The following MTA1 variants were observed in gnomAD, a reference collection of about 807,000 sequenced individuals.
MTA1 encodes metastasis-associated protein MTA1.
Under a neutral mutation model 97.0 loss-of-function variants are expected in MTA1, and 15 were observed. The observed-to-expected ratio is 0.15, with a 90% CI of 0.10 to 0.24. MTA1 has a LOEUF of 0.24. Among genes scored for constraint, MTA1 ranks in the 10% least tolerant of loss-of-function variants. MTA1 has a pLI of 1.00. For synonymous variants in MTA1, 435 were observed against 417.5 expected (o/e 1.04, Z -0.51); for missense variants, 709 against 1,015.1 (o/e 0.70, Z 4.10).
rs77881974 is a variant in MTA1, at chr14:105,430,484, C to A, written c.29-8188C>A. Reference sequence around the variant, plus strand: ...CACAGATCGCCATCACAGATAGAATCATGGTTAAAAAGTTGGAAATGTTGA... The same window carrying A: ...CACAGATCGCCATCACAGATAGAATAATGGTTAAAAAGTTGGAAATGTTGA... On this transcript the variant is annotated intron_variant, in intron 1 of 20. Coordinates refer to ENST00000331320, the MANE Select transcript of MTA1 (RefSeq NM_004689.4). Among the ~76,000 whole-genome samples, 484 of 152,238 alleles carry A rather than the reference C, an allele frequency of 3.2e-3. 2 individuals are homozygous for A. The highest frequency in any genetic ancestry group is 0.011 in the African/African-American group (457 of 41,544).
At position 105,441,707 on chromosome 14, in the gene MTA1, T is replaced by C. The variant is rs587631387; in HGVS notation, c.96+2968T>C. 4.2e-3 allele frequency among the ~76,000 whole-genome samples: 633 copies of C among 152,150 alleles called. 4 individuals carry two copies. Among genetic ancestry groups the C allele is most frequent in the African/African-American group, 0.013 (553 of 41,530 alleles). ...TACTCGGGAGGCTGAGGCAGGAGAA[T>C]GGCGTGAACCCGGGAGGTGGAGCTT... is the stretch of plus-strand genomic sequence containing the variant. On this transcript the variant is annotated intron_variant, in intron 2 of 20. Coordinates refer to ENST00000331320, the MANE Select transcript of MTA1 (RefSeq NM_004689.4).
intron 1 of MTA1, among the ~76,000 whole-genome samples, chr14:105,430,713 G>A (rs1280378224): frequency 6.6e-6 from 1 of 152,124 alleles, no homozygotes; most frequent in Non-Finnish European, 1.5e-5. Flanking sequence ...GGGTCCTCTC[G>A]TACAGGGATT....
intron 18 of MTA1, chr14:105,467,914 T>A (rs1298349294): frequency 4.1e-6 from 1 of 245,568 alleles, no homozygotes; most frequent in Non-Finnish European, 8.1e-6. Context: ...AGCTTATTTG[T>A]TCCCACTGAA....
At chr14:105,432,165 T>C (rs2082195613) in intron 1 of MTA1, among the ~76,000 whole-genome samples, 1 of 152,242 alleles carries the variant, frequency 6.6e-6, no homozygotes, top group Non-Finnish European at 1.5e-5. Context: ...GCTGAACATC[T>C]TGACTTGCTG....
At chr14:105,444,915 T>G (rs1458457217) in intron 2 of MTA1, among the ~76,000 whole-genome samples, 4 of 152,258 alleles carry the variant, frequency 2.6e-5, no homozygotes, top group African/African-American at 9.6e-5. Context: ...ACATACGTGC[T>G]TCTCTGGTGG....
At chr14:105,441,097 G>A (rs955834685) in intron 2 of MTA1, among the ~76,000 whole-genome samples, 4 of 151,584 alleles carry the variant, frequency 2.6e-5, no homozygotes, top group Non-Finnish European at 5.9e-5. Context: ...GGCTGGCAGC[G>A]CGGAAGGCCT....
chr14:105,444,446 C>T (rs2082647593), intron 2 of MTA1, among the ~76,000 whole-genome samples: 1 of 152,128 alleles, frequency 6.6e-6, no homozygotes, highest in African/African-American at 2.4e-5. Context: ...CCTGACATCA[C>T]ACTGCTGCAT....
In MTA1 at chr14:105,460,430, C is replaced by T. The variant is rs141301227; in HGVS notation, c.726C>T (p.Ala242=). The T allele has an allele frequency of 1.4e-4, 231 of 1,611,260 alleles. No individual in the cohort carries two copies. Among genetic ancestry groups the T allele is most frequent in the Middle Eastern group, 3.3e-4 (2 of 6,044 alleles). Residue 242 remains alanine, a synonymous_variant, in exon 9 of 21, where the codon GCC becomes GCT. Coordinates refer to ENST00000331320, the MANE Select transcript of MTA1 (RefSeq NM_004689.4). ...GACAGCCCAGCCTGCACATGAGCGC[C>T]GCAGCTGCCTCCCGAGACATCACCC... ...SVRQPSLHMS[A]AAASRDITLF...
chr14:105,433,103 A>T (rs1179022885), intron 1 of MTA1, among the ~76,000 whole-genome samples: 1 of 152,268 alleles, frequency 6.6e-6, no homozygotes, highest in Admixed American at 6.5e-5. Flanking sequence ...TGATTACAGC[A>T]AAAGGACGCA....
At chr14:105,427,753 C>T (rs1555422553) in intron 1 of MTA1, among the ~76,000 whole-genome samples, 1 of 152,040 alleles carries the variant, frequency 6.6e-6, no homozygotes, top group African/African-American at 2.4e-5. Context: ...GGCATGGTGG[C>T]TCACACCTGT....
chr14:105,468,377 C>T lies in MTA1; in HGVS notation c.1814-1090C>T, dbSNP rs782622989. ...AAGTAGTTTTTGTGCTACTGGCCAG[C>T]CCTGGGCGCTGGGCCTTGGCTTGTG... On this transcript the variant is annotated intron_variant, in intron 18 of 20. Transcript: ENST00000331320. The T allele has an allele frequency of 1.4e-5, 18 of 1,303,796 alleles. No homozygotes were observed. The South Asian group carries it at 1.9e-4, about 13-fold the overall frequency. The allele number at this position is 1,303,796 out of a possible 1,614,324, so 80.8% of individuals were successfully genotyped here.
chr14:105,466,478 G>A lies in MTA1; in HGVS notation c.1677G>A (p.Val559=). Reference sequence around the variant, plus strand: ...ACCCCGTGAAAAGCGTGTCCAGCGTGCTCAGCAGCCTGACGCCCGCCAAGG... The same window carrying A: ...ACCCCGTGAAAAGCGTGTCCAGCGTACTCAGCAGCCTGACGCCCGCCAAGG... ...KPDPVKSVSS[V]LSSLTPAKVA... Residue 559 remains valine, a synonymous_variant, in exon 17 of 21, where the codon GTG becomes GTA. Coordinates refer to ENST00000331320, the MANE Select transcript of MTA1 (RefSeq NM_004689.4). 1 of 1,600,808 alleles carries A rather than the reference G, an allele frequency of 6.2e-7. No homozygotes were observed. The highest frequency in any genetic ancestry group is 2.3e-5 in the East Asian group (1 of 44,256).
Position 105,470,005 on chromosome 14 carries a change from C to T in MTA1, c.1997+13C>T. 1 of 1,612,488 alleles carries T rather than the reference C, an allele frequency of 6.2e-7. No individual in the cohort carries two copies. Among genetic ancestry groups the T allele is most frequent in the Non-Finnish European group, 8.5e-7 (1 of 1,179,826 alleles). ...CAGAGGAGACCAGGTGGGGCCTTCC[C>T]AGGGCAGGCGGGAGGGCTCCGCACA... On this transcript the variant is annotated intron_variant, in intron 20 of 20. Transcript: ENST00000331320.
rs1595232562 is a variant in MTA1 at position 105,420,207 on chromosome 14, C to T, written c.28+144C>T. On this transcript the variant is annotated intron_variant, in intron 1 of 20. Transcript: ENST00000331320. The surrounding 1 kb of genome is among the most constrained non-coding windows in gnomAD (Gnocchi z 5.3). ...GCCCCCGGCTCCTTCCCGAACCGCCCCCCGCCGTGCTCACCCCAACCCAAA... is the reference window on the plus strand; with the variant it reads ...GCCCCCGGCTCCTTCCCGAACCGCCTCCCGCCGTGCTCACCCCAACCCAAA... 1 of 339,390 alleles carries T rather than the reference C, an allele frequency of 2.9e-6. No homozygotes were observed. Among genetic ancestry groups the T allele is most frequent in the South Asian group, 1.1e-4 (1 of 9,306 alleles). 21.0% of individuals were successfully genotyped at this position (339,390 alleles called of 1,614,324 possible). A position where few individuals can be genotyped will look rare whatever the true frequency, so the allele number is the denominator to read the frequency against.
At chr14:105,467,525 C>G in intron 18 of MTA1, 1 of 455,318 alleles carries the variant, frequency 2.2e-6, no homozygotes, top group South Asian at 1.6e-5. Flanking sequence ...GGGGTCAGCA[C>G]GCCGGCTGCA....
intron 1 of MTA1, among the ~76,000 whole-genome samples, chr14:105,425,064 C>T (rs1040746886): frequency 1.3e-5 from 2 of 152,062 alleles, no homozygotes; most frequent in South Asian, 2.1e-4. Flanking sequence ...GAGGAGGTGC[C>T]GTGTGCCTGG....
rs370417308 is a variant in MTA1, at chr14:105,467,619, C to T, written c.1813+877C>T. ...CACCCCTGGCCTGTCCTTGCAGCTT[C>T]CTCCCGACATCCCTTGGCGGTGTCT... is the stretch of plus-strand genomic sequence containing the variant. On this transcript the variant is annotated intron_variant, in intron 18 of 20. Coordinates refer to ENST00000331320, the MANE Select transcript of MTA1 (RefSeq NM_004689.4). 1.7e-3 allele frequency: 669 copies of T among 384,086 alleles called. 7 individuals carry two copies. The highest frequency in any genetic ancestry group is 0.013 in the African/African-American group (611 of 48,174). The allele number at this position is 384,086 out of a possible 1,614,324, so 23.8% of individuals were successfully genotyped here.
At chr14:105,441,895 G>C (rs782489446) in intron 2 of MTA1, among the ~76,000 whole-genome samples, 9 of 152,208 alleles carry the variant, frequency 5.9e-5, no homozygotes, top group Non-Finnish European at 1.2e-4. Context: ...TCTGAGAAAT[G>C]GATGGGATCC....
chr14:105,460,777 G>T lies in MTA1; in HGVS notation c.766G>T (p.Asp256Tyr). ...TCTCCTGCCGCAGTTCCACGCCATG[G>T]ATACTCTCCACAAGAACATCTACGA... ...SRDITLFHAM[D>Y]TLHKNIYDIS... The change falls in exon 10 of 21, where the codon GAT becomes TAT. Residue 256 changes from aspartate (D) to tyrosine (Y), a missense_variant. Asp to Tyr is a radical substitution (Grantham distance 160, BLOSUM62 -3). This residue lies in a region of MTA1 where 321 missense variants were observed against 593.5 expected (regional missense o/e 0.54). Coordinates refer to ENST00000331320, the MANE Select transcript of MTA1 (RefSeq NM_004689.4). The T allele has an allele frequency of 1.3e-6, 2 of 1,588,830 alleles. No homozygotes were observed. Among genetic ancestry groups the T allele is most frequent in the Non-Finnish European group, 1.7e-6 (2 of 1,166,494 alleles).
Sources: gnomAD v4.1 joint callset for allele counts (sites outside exome capture counted in the v4.1 genomes callset) on GRCh38, gnomAD v4.1.1 for gene constraint, gnomAD v4.1.1 regional missense constraint, Gnocchi (gnomAD v3.1) non-coding constraint, MANE v1.5 for transcripts, NCBI Gene and HGNC (gene_info 2026-07-23, HGNC 2026-07-21) for gene names.